The following TBC1D5 variants were observed in gnomAD, a reference collection of about 807,000 sequenced individuals.
TBC1D5 encodes TBC1 domain family, member 5.
TBC1D5 carries 75 observed loss-of-function variants against 100.3 expected under a neutral mutation model. The observed-to-expected ratio is 0.75, with a 90% CI of 0.62 to 0.91. The LOEUF (loss-of-function observed/expected upper bound fraction) is 0.91, where lower values mean the gene tolerates loss of function less well. TBC1D5 is among the 40% of genes least tolerant of loss of function. The pLI is 0.00. For missense variants in TBC1D5, 910 were observed against 942.4 expected, an observed-to-expected ratio of 0.97 and a Z score of 0.45; for synonymous variants, 323 against 325.6, an observed-to-expected ratio of 0.99 and a Z score of 0.09.
intron 5 of TBC1D5, among the ~76,000 whole-genome samples, chr3:17,406,209 A>T (rs1485578465): frequency 2.6e-5 from 4 of 151,958 alleles, no homozygotes; most frequent in Non-Finnish European, 5.9e-5. Context: ...TTTTTATATG[A>T]CTCTTTTACC....
At chr3:17,609,686 A>T (rs1480801300) in intron 2 of TBC1D5, among the ~76,000 whole-genome samples, 1 of 152,154 alleles carries the variant, frequency 6.6e-6, no homozygotes, top group African/African-American at 2.4e-5. Flanking sequence ...CCAAATTTTT[A>T]TCTATAGTTC....
chr3:17,677,168 A>G (rs1411530529), intron 1 of TBC1D5, among the ~76,000 whole-genome samples: 1 of 152,240 alleles, frequency 6.6e-6, no homozygotes, highest in East Asian at 1.9e-4. Flanking sequence ...TAATTAAACT[A>G]AAGAGCTTCT....
rs963957255 is a variant in TBC1D5 at position 17,413,857 on chromosome 3, CAA to C, written c.168-7333_168-7332del. Among the ~76,000 whole-genome samples the C allele has an allele frequency of 3.3e-5, 5 of 152,218 alleles. No individual in the cohort carries two copies. The South Asian group carries it at 1.0e-3, about 32-fold the overall frequency. ...GAAATCCAAATGACTACAATAATAG[CAA>C]AGAGTTCAGGGCCTACATACAGTTT... On this transcript the variant is annotated intron_variant, in intron 4 of 21. Coordinates refer to ENST00000253692, the Ensembl canonical transcript of TBC1D5.
chr3:17,662,698 G>C (rs2066782853), intron 1 of TBC1D5, among the ~76,000 whole-genome samples: 1 of 152,162 alleles, frequency 6.6e-6, no homozygotes, highest in South Asian at 2.1e-4. Flanking sequence ...TATCTGGTCA[G>C]TCCCAGAAGG....
intron 5 of TBC1D5, 98 bp from the exon 6 acceptor site, chr3:17,405,059 G>T (rs73156395): frequency 0.047 from 27,908 of 599,938 alleles, 2,049 homozygotes; most frequent in African/African-American, 0.26. Flanking sequence ...AGACATAATA[G>T]TCATGATATT....
intron 1 of TBC1D5, among the ~76,000 whole-genome samples, chr3:17,625,588 C>T (rs1385215826): frequency 6.6e-6 from 1 of 152,078 alleles, no homozygotes; most frequent in Non-Finnish European, 1.5e-5. Flanking sequence ...TATTTACATT[C>T]ATAATGTTCC....
intron 2 of TBC1D5, among the ~76,000 whole-genome samples, chr3:17,612,057 C>A (rs1310780626): frequency 6.6e-6 from 1 of 151,996 alleles, no homozygotes; most frequent in Non-Finnish European, 1.5e-5. Context: ...TCCTAGCATA[C>A]TGGGAGGCCA....
intron 2 of TBC1D5, among the ~76,000 whole-genome samples, chr3:17,567,994 G>C (rs1312762557): frequency 2.0e-5 from 3 of 151,508 alleles, no homozygotes; most frequent in Non-Finnish European, 4.4e-5. Context: ...AACAACAAGA[G>C]TATACTAATT....
chr3:17,706,080 T>A, intron 1 of TBC1D5: 1 of 1,603,486 alleles, frequency 6.2e-7, no homozygotes, highest in Non-Finnish European at 8.5e-7. Context: ...GACCCCAGAC[T>A]GGGCGGCGGC....
intron 1 of TBC1D5, among the ~76,000 whole-genome samples, chr3:17,662,503 C>A (rs1322990868): frequency 6.6e-6 from 1 of 152,138 alleles, no homozygotes; most frequent in Non-Finnish European, 1.5e-5. Context: ...GAGTAATGAG[C>A]CAATATTTTA....
chr3:17,188,106 G>A (rs915872463), intron 18 of TBC1D5, among the ~76,000 whole-genome samples: 8 of 152,158 alleles, frequency 5.3e-5, no homozygotes, highest in African/African-American at 1.9e-4. Context: ...GAAAGTATGA[G>A]CTTAAAGAGG....
chr3:17,342,860 T>C (rs952925250), intron 13 of TBC1D5, among the ~76,000 whole-genome samples: 4 of 152,232 alleles, frequency 2.6e-5, no homozygotes, highest in Non-Finnish European at 4.4e-5. Flanking sequence ...TTAAAGTGAA[T>C]GTATACTTTT....
rs151046567 is a variant in TBC1D5 at position 17,589,249 on chromosome 3, A to G, written c.-36+34600T>C. ...AAGCTGGTCTCAAGCTCTTGGCTTC[A>G]AGAGCTTATCAAACCAATGCTACAA... On this transcript the variant is annotated intron_variant, in intron 2 of 21. Coordinates refer to ENST00000253692, the Ensembl canonical transcript of TBC1D5. 4.1e-3 allele frequency among the ~76,000 whole-genome samples: 632 copies of G among 152,334 alleles called. 4 individuals are homozygous for G. The highest frequency in any genetic ancestry group is 0.015 in the African/African-American group (607 of 41,564).
intron 2 of TBC1D5, among the ~76,000 whole-genome samples, chr3:17,560,619 TAA>T (rs58882081): frequency 9.1e-6 from 1 of 110,282 alleles, no homozygotes; most frequent in Non-Finnish European, 1.9e-5. Flanking sequence ...ACCTTGTCTT[TAA>T]AAAAAAAAGG....
chr3:17,177,122 A>G (rs2067851383), intron 19 of TBC1D5, among the ~76,000 whole-genome samples: 1 of 152,244 alleles, frequency 6.6e-6, no homozygotes, highest in African/African-American at 2.4e-5. Context: ...TTTTAAAAAA[A>G]GAAAGAAAAT....
chr3:17,697,255 G>A (rs189075354), intron 1 of TBC1D5, among the ~76,000 whole-genome samples: 2 of 152,226 alleles, frequency 1.3e-5, no homozygotes, highest in African/African-American at 4.8e-5. Flanking sequence ...TTCTGGCCAG[G>A]GCAATCAGGC....
At chr3:17,206,213 G>A (rs2072162519) in intron 18 of TBC1D5, among the ~76,000 whole-genome samples, 1 of 152,160 alleles carries the variant, frequency 6.6e-6, no homozygotes, top group African/African-American at 2.4e-5. Flanking sequence ...ACAGCCCATG[G>A]TGGTCTGTCA....
intron 13 of TBC1D5, among the ~76,000 whole-genome samples, chr3:17,315,736 G>T (rs1358609697): frequency 3.9e-5 from 6 of 152,142 alleles, no homozygotes; most frequent in Admixed American, 2.6e-4. Flanking sequence ...ATGAGAATAA[G>T]CAAAGGTTAT....
intron 15 of TBC1D5, among the ~76,000 whole-genome samples, chr3:17,288,304 C>T (rs1008267115): frequency 3.9e-5 from 6 of 152,136 alleles, no homozygotes; most frequent in South Asian, 4.1e-4. Context: ...GGTTGGACCT[C>T]GTTAGTTCAT....
Sources: allele counts gnomAD v4.1 joint callset (sites outside exome capture counted in the v4.1 genomes callset), GRCh38; gene constraint gnomAD v4.1.1; transcripts MANE v1.5; gene names NCBI Gene and HGNC (gene_info 2026-07-23, HGNC 2026-07-21).